The following RHBDD3 variants were observed in gnomAD, a reference collection of about 807,000 sequenced individuals.
The protein encoded by RHBDD3 is rhomboid domain containing 3.
A neutral mutation model predicts 32.3 loss-of-function variants in RHBDD3; 34 were observed. That is an observed-to-expected ratio of 1.05 (90% CI 0.80 to 1.40). RHBDD3 has a LOEUF of 1.40. Ranked by LOEUF, RHBDD3 falls within the 40% of genes most tolerant of loss-of-function variation. RHBDD3 has a pLI of 0.00. For synonymous variants in RHBDD3, 249 were observed against 239.1 expected (o/e 1.04, Z -0.38); for missense variants, 482 against 492.6 (o/e 0.98, Z 0.20).
intron 3 of RHBDD3, chr22:29,265,040 A>G (rs1183484868): frequency 2.0e-5 from 3 of 152,802 alleles, no homozygotes; most frequent in Non-Finnish European, 4.4e-5. Flanking sequence ...GGCCTCCCAA[A>G]GTGCTGGGAT....
At chr22:29,266,050 T>C (rs1254731610) in intron 2 of RHBDD3, among the ~76,000 whole-genome samples, 3 of 152,190 alleles carry the variant, frequency 2.0e-5, no homozygotes, top group Non-Finnish European at 4.4e-5. Context: ...GTTCCCAGCC[T>C]TAATGCTCCA....
rs555148993 is a variant in RHBDD3 at position 29,265,882 on chromosome 22, G to C, written c.-42-214C>G. Among the ~76,000 whole-genome samples the C allele has an allele frequency of 4.6e-5, 7 of 152,152 alleles. No individual in the cohort carries two copies. In the East Asian group the frequency reaches 7.8e-4, roughly 17 times the overall value. On this transcript the variant is annotated intron_variant, in intron 2 of 6. Coordinates refer to ENST00000216085, the MANE Select transcript of RHBDD3 (RefSeq NM_012265.3). The stretch of plus-strand genomic sequence containing the variant: ...TCACCTCTGTTTAAGGACTGGCAGG[G>C]GACAGGCATAGAGACTTCTGAGTCC...
In RHBDD3 at chr22:29,260,335, G is replaced by A. The variant is rs2058096643; in HGVS notation, c.974C>T (p.Ser325Phe). The A allele has an allele frequency of 6.2e-7, 1 of 1,608,796 alleles. No individual in the cohort carries two copies. The highest frequency in any genetic ancestry group is 1.3e-5 in the African/African-American group (1 of 74,870). The part of the protein sequence containing the change: ...SAPWLSKSSV[S>F]SLRLQQLERM... The stretch of plus-strand genomic sequence containing the variant: ...GCCCACCCCACCTTACCGCAGAGAG[G>A]AGACAGAGGACTTGGACAGCCATGG... Residue 325 changes from serine (S) to phenylalanine (F), a missense_variant, in exon 6 of 7, where the codon TCC (serine) becomes TTC (phenylalanine). Physicochemically the swap from Ser to Phe is radical, Grantham distance 155 (BLOSUM62 -2). Transcript: ENST00000216085.
intron 4 of RHBDD3, chr22:29,261,275 G>A (rs1186690783): frequency 2.1e-6 from 1 of 484,206 alleles, no homozygotes; most frequent in South Asian, 1.5e-5. Flanking sequence ...GTTCTCTCCA[G>A]TGGCACTGTT....
At chr22:29,263,797 A>C (rs1323686620) in intron 4 of RHBDD3, 38 bp downstream of exon 4, 20 of 1,478,302 alleles carry the variant, frequency 1.4e-5, no homozygotes, top group Non-Finnish European at 1.8e-5. Context: ...CACAGAACCC[A>C]CACATCCCCA....
At chr22:29,264,769 TTTTTGTTTTG>T (rs772979045) in intron 3 of RHBDD3, among the ~76,000 whole-genome samples, 4 of 152,120 alleles carry the variant, frequency 2.6e-5, no homozygotes, top group South Asian at 2.1e-4. Flanking sequence ...CTTAGCTGTT[TTTTTGTTTTG>T]TTTTGTTTTG....
chr22:29,264,210 G>C lies in RHBDD3; in HGVS notation c.157C>G (p.Leu53Val), dbSNP rs578000143. The C allele has an allele frequency of 1.4e-5, 21 of 1,535,708 alleles. No individual in the cohort carries two copies. The African/African-American group carries it at 1.6e-4, about 12-fold the overall frequency. ...LLLDPWQVHRLLTHALGHTAL... is the reference protein window; with the variant it reads ...LLLDPWQVHRVLTHALGHTAL... ...GTGTGGCCCAGGGCATGGGTCAGCAGCCGGTGCACTGGGAGAGAGAAGGGG... is the reference window on the plus strand; with the variant it reads ...GTGTGGCCCAGGGCATGGGTCAGCACCCGGTGCACTGGGAGAGAGAAGGGG... The change falls in exon 4 of 7, where the codon CTG becomes GTG. Residue 53 changes from leucine (L) to valine (V), a missense_variant. Leu to Val is a conservative substitution (Grantham distance 32, BLOSUM62 1). Transcript: ENST00000216085.
At position 29,260,889 on chromosome 22, in the gene RHBDD3, G is replaced by A. The variant is rs565250085; in HGVS notation, c.533-25C>T. ...TCTGTCTGCCCGGGGCAGGGCGGCCGGTCAAGGAAAACCAAAAGCAGCCAG... is the reference window on the plus strand; with the variant it reads ...TCTGTCTGCCCGGGGCAGGGCGGCCAGTCAAGGAAAACCAAAAGCAGCCAG... On this transcript the variant is annotated intron_variant, in intron 4 of 6. Transcript: ENST00000216085. 5.4e-5 allele frequency: 83 copies of A among 1,525,460 alleles called. No homozygotes were observed. In the South Asian group the frequency reaches 7.2e-4, roughly 13 times the overall value. 94.5% of individuals were successfully genotyped at this position (1,525,460 alleles called of 1,614,324 possible). A position where few individuals can be genotyped will look rare whatever the true frequency, so the allele number is the denominator to read the frequency against.
Position 29,267,506 on chromosome 22 carries a change from G to C in RHBDD3, c.-123C>G, listed in dbSNP as rs902193543. The C allele has an allele frequency of 5.2e-5, 8 of 152,778 alleles. No individual in the cohort carries two copies. The highest frequency in any genetic ancestry group is 1.4e-4 in the African/African-American group (6 of 41,464). 9.5% of individuals were successfully genotyped at this position (152,778 alleles called of 1,614,324 possible). ...TGGCGGATAGAGTAGGGGGTCCCAG[G>C]ATCTGTCTGGTTCGAACTCAGCTGG... On this transcript the variant is annotated 5_prime_UTR_variant, in exon 2 of 7. The change creates a new upstream start codon in the 5' untranslated region. Transcript: ENST00000216085.
rs776224661 is a variant in RHBDD3, at chr22:29,260,787, T to C, written c.610A>G (p.Thr204Ala). Residue 204 changes from threonine (T) to alanine (A), a missense_variant, in exon 5 of 7, where the codon ACC becomes GCC. Transcript: ENST00000216085. The part of the protein sequence containing the change: ...QVLQEGVLCR[T>A]LAGCWPLRLL... ...CTCAGGGGCCAGCACCCCGCCAAGG[T>C]CCTGCACAAGACGCCCTCCTGCAGC... 1.2e-6 allele frequency: 2 copies of C among 1,603,048 alleles called. No homozygotes were observed. Among genetic ancestry groups the C allele is most frequent in the Non-Finnish European group, 1.7e-6 (2 of 1,176,560 alleles).
rs539321562 is a variant in RHBDD3 at position 29,261,768 on chromosome 22, C to T, written c.533-904G>A. Reference sequence around the variant, plus strand: ...CTCCGAGGTTCAAGCAATTCTCCTGCCTCAGCTTCCCGAATAGATGGGATT... The same window carrying T: ...CTCCGAGGTTCAAGCAATTCTCCTGTCTCAGCTTCCCGAATAGATGGGATT... On this transcript the variant is annotated intron_variant, in intron 4 of 6. Coordinates refer to ENST00000216085, the MANE Select transcript of RHBDD3 (RefSeq NM_012265.3). The T allele has an allele frequency of 1.7e-5, 3 of 173,894 alleles. No individual in the cohort carries two copies. In the South Asian group the frequency reaches 3.5e-4, roughly 21 times the overall value. The allele number at this position is 173,894 out of a possible 1,614,324, so 10.8% of individuals were successfully genotyped here. A position where few individuals can be genotyped will look rare whatever the true frequency, so the allele number is the denominator to read the frequency against.
In RHBDD3 at chr22:29,264,079, G is replaced by A. The variant is rs774514574; in HGVS notation, c.288C>T (p.Leu96=). The change falls in exon 4 of 7, where the codon CTC becomes CTT. Residue 96 remains leucine, a synonymous_variant. Transcript: ENST00000216085. ...CTGCCAGCAGCCCAGAAGCCAGGGC[G>A]AGCAGGGCTGAGGCATGCAGGAATC... ...TLRFLHASAL[L]ALASGLLAVL... 1.6e-5 allele frequency: 25 copies of A among 1,582,960 alleles called. No individual in the cohort carries two copies. Among genetic ancestry groups the A allele is most frequent in the Middle Eastern group, 1.8e-4 (1 of 5,564 alleles).
At chr22:29,264,587 C>G (rs2058156265) in intron 3 of RHBDD3, 3 of 909,080 alleles carry the variant, frequency 3.3e-6, no homozygotes, top group Non-Finnish European at 3.9e-6. Flanking sequence ...CTGGAGCTAC[C>G]CCATTCCCTC....
In RHBDD3 at chr22:29,260,509, C is replaced by T. The variant is rs545323398; in HGVS notation, c.800G>A (p.Trp267Ter). ...CAGGCCTGCCTCTGAGGAGCCCTCC[C>T]AGGTGGGCTGCACAGGCCTCAGGCT... ...PPSLRPVQPT[W>*]EGSSEAGLDW... The change falls in exon 6 of 7, where the codon TGG becomes TAG. Residue 267 changes from tryptophan (W) to a stop codon, truncating the protein, a stop_gained. Transcript: ENST00000216085. LOFTEE classifies it high-confidence loss of function. The T allele has an allele frequency of 1.9e-6, 3 of 1,599,278 alleles. No homozygotes were observed. Among genetic ancestry groups the T allele is most frequent in the African/African-American group, 2.7e-5 (2 of 74,972 alleles).
At chr22:29,260,940 C>A in intron 4 of RHBDD3, 76 bp from the exon 5 acceptor site, 1 of 1,388,798 alleles carries the variant, frequency 7.2e-7, no homozygotes, top group Non-Finnish European at 9.5e-7. Flanking sequence ...ACAGGCCAGG[C>A]CCCATGCCAA....
At chr22:29,266,124 G>C (rs2058173633) in intron 2 of RHBDD3, among the ~76,000 whole-genome samples, 1 of 152,336 alleles carries the variant, frequency 6.6e-6, no homozygotes, top group Middle Eastern at 3.4e-3. Context: ...ACAGGGTAAG[G>C]GGTAGGGCAG....
At chr22:29,263,308 G>A (rs2058140683) in intron 4 of RHBDD3, among the ~76,000 whole-genome samples, 1 of 152,188 alleles carries the variant, frequency 6.6e-6, no homozygotes, top group Admixed American at 6.5e-5. Context: ...CTCCCAAAGT[G>A]TTGGGATTAC....
chr22:29,261,434 A>T (rs370682606), intron 4 of RHBDD3: 3 of 433,198 alleles, frequency 6.9e-6, no homozygotes, highest in African/African-American at 2.0e-5. Flanking sequence ...CTCTACAAAA[A>T]ATTTTTAAAA....
At chr22:29,267,245 G>T in intron 2 of RHBDD3, 181 bp downstream of exon 2, 1 of 152,510 alleles carries the variant, frequency 6.6e-6, no homozygotes, top group Non-Finnish European at 1.5e-5. Context: ...AGGGTTTGGG[G>T]CCAAGGCACC....
Sources: allele counts gnomAD v4.1 joint callset (sites outside exome capture counted in the v4.1 genomes callset), GRCh38; gene constraint gnomAD v4.1.1; transcripts MANE v1.5; gene names NCBI Gene and HGNC (gene_info 2026-07-23, HGNC 2026-07-21).